Variants in SPEN observed in about 807,000 individuals in gnomAD.
SPEN encodes spen family transcriptional repressor.
In SPEN, 18 loss-of-function variants were observed where a neutral mutation model predicts 269.9. That is an observed-to-expected ratio of 0.07 (90% CI 0.05 to 0.10). The LOEUF (loss-of-function observed/expected upper bound fraction) is 0.10, where lower values mean the gene tolerates loss of function less well. Among genes scored for constraint, SPEN ranks in the 10% least tolerant of loss-of-function variants. The pLI, the probability that SPEN is intolerant of heterozygous loss-of-function variation, is 1.00. For synonymous variants in SPEN, 1,726 were observed against 1,765.7 expected (o/e 0.98, Z 0.56); for missense variants, 3,822 against 4,631.2 (o/e 0.83, Z 5.07).
In SPEN at chr1:15,932,835, G is replaced by T. The variant is rs550359408; in HGVS notation, c.6595G>T (p.Ala2199Ser). 27 of 1,614,224 alleles carry T rather than the reference G, an allele frequency of 1.7e-5. No individual in the cohort carries two copies. The East Asian group carries it at 5.3e-4, about 32-fold the overall frequency. The change falls in exon 11 of 15, where the codon GCC (alanine) becomes TCC (serine). Residue 2199 changes from alanine to serine, a missense_variant. This residue lies in a region of SPEN where 727 missense variants were observed against 737.9 expected (regional missense o/e 0.99). Coordinates refer to ENST00000375759, the MANE Select transcript of SPEN (RefSeq NM_015001.3). This position sits in a 1 kb window ranked among gnomAD's most constrained non-coding sequence, Gnocchi z 4.2. ...TAAGGCAGATGCACCAGAGGGCCTT[G>T]CCCCAGAGGACAGGGACAAGCCTGC... ...AYKADAPEGL[A>S]PEDRDKPAHQ...
Position 15,928,106 on chromosome 1 carries a change from A to G in SPEN, c.1866A>G (p.Ala622=). 2 of 1,596,130 alleles carry G rather than the reference A, an allele frequency of 1.3e-6. No homozygotes were observed. The highest frequency in any genetic ancestry group is 1.7e-6 in the Non-Finnish European group (2 of 1,168,278). The part of the protein sequence containing the change: ...MLAERREERR[A]SYDYNQDRTY... ...TTTTTGGCAGAGAGGAACGAAGGGC[A>G]TCCTACGACTATAACCAAGATCGTA... Residue 622 remains alanine, a synonymous_variant, in exon 11 of 15, where the codon GCA becomes GCG. Coordinates refer to ENST00000375759, the MANE Select transcript of SPEN (RefSeq NM_015001.3). The surrounding 1 kb of genome is among the most constrained non-coding windows in gnomAD (Gnocchi z 5.7).
intron 3 of SPEN, among the ~76,000 whole-genome samples, chr1:15,890,175 T>G (rs917856339): frequency 6.6e-6 from 1 of 152,224 alleles, no homozygotes. Context: ...GGAAGAGAGA[T>G]GTAGATTAGA....
At chr1:15,871,552 C>T (rs954951127) in intron 1 of SPEN, among the ~76,000 whole-genome samples, 5 of 151,942 alleles carry the variant, frequency 3.3e-5, no homozygotes, top group South Asian at 2.1e-4. Flanking sequence ...CCTGGGCCTC[C>T]CAAAGTGCTG....
chr1:15,869,932 T>G (rs1478637322), intron 1 of SPEN, among the ~76,000 whole-genome samples: 2 of 151,894 alleles, frequency 1.3e-5, no homozygotes, highest in Non-Finnish European at 2.9e-5. Context: ...AGTGGCGTGG[T>G]CTTGTCTCAC....
rs1293262650 is a variant in SPEN, at chr1:15,935,731, T to TTCC, written c.9493_9495dup (p.Pro3165dup). On this transcript the variant is annotated inframe_insertion, in exon 11 of 15. Transcript: ENST00000375759. The surrounding 1 kb of genome is among the most constrained non-coding windows in gnomAD (Gnocchi z 7.7). ...CCCGAGGAGGAAGTGCATTATCACC[T>TTCC]TCCTGTCGCTCGAGCCACAGCCCCT... The TTCC allele has an allele frequency of 6.2e-7, 1 of 1,613,070 alleles. No homozygotes were observed. Among genetic ancestry groups the TTCC allele is most frequent in the Admixed American group, 1.7e-5 (1 of 59,976 alleles).
chr1:15,874,677 G>T (rs375401244), intron 2 of SPEN, among the ~76,000 whole-genome samples: 1 of 152,282 alleles, frequency 6.6e-6, no homozygotes, highest in Admixed American at 6.5e-5. Flanking sequence ...ATTAACATTT[G>T]ATAGGGTGCT....
rs772815369 is a variant in SPEN at position 15,929,152 on chromosome 1, A to G, written c.2912A>G (p.Asp971Gly). The change falls in exon 11 of 15, where the codon GAT (aspartate) becomes GGT (glycine). Residue 971 changes from aspartate to glycine, a missense_variant. By Grantham distance (94) the Asp-to-Gly change is moderately conservative. Around this residue, in one of 16 missense-constraint regions of SPEN, gnomAD observed 572 missense variants for 582.6 expected, o/e 0.98. Coordinates refer to ENST00000375759, the MANE Select transcript of SPEN (RefSeq NM_015001.3). The surrounding 1 kb of genome is among the most constrained non-coding windows in gnomAD (Gnocchi z 5.8). ...CACCTCAAGCCTGAGCAGCCTGCAG[A>G]TGGGGTAAGTGCTGTGGATCTGGAG... ...RKHLKPEQPADGVSAVDLEKL... is the reference protein window; with the variant it reads ...RKHLKPEQPAGGVSAVDLEKL... The G allele has an allele frequency of 8.7e-6, 14 of 1,614,094 alleles. No homozygotes were observed. The highest frequency in any genetic ancestry group is 1.2e-5 in the Non-Finnish European group (14 of 1,180,038).
intron 3 of SPEN, among the ~76,000 whole-genome samples, chr1:15,905,798 C>T (rs1359353366): frequency 6.6e-6 from 1 of 151,970 alleles, no homozygotes; most frequent in Non-Finnish European, 1.5e-5. Flanking sequence ...TGGTCTTGAT[C>T]TCTTGACCTC....
At chr1:15,898,751 T>C (rs1428062282) in intron 3 of SPEN, among the ~76,000 whole-genome samples, 2 of 151,928 alleles carry the variant, frequency 1.3e-5, no homozygotes, top group Non-Finnish European at 2.9e-5. Context: ...TTAGTAGAGA[T>C]GGGGTTTCAC....
At chr1:15,921,099 G>T (rs551923387) in intron 9 of SPEN, 116 bp downstream of exon 9, 1 of 479,524 alleles carries the variant, frequency 2.1e-6, no homozygotes, top group East Asian at 3.8e-5. Flanking sequence ...GCCAAGGCAG[G>T]TGGATCACCT....
At position 15,935,452 on chromosome 1, in the gene SPEN, T is replaced by C. The variant is rs373157087; in HGVS notation, c.9212T>C (p.Ile3071Thr). ...CCAGTGCCCCAGTTCATCTCCAGCA[T>C]CCACCCAGAGCAGTCTGTCATCATG... is the stretch of plus-strand genomic sequence containing the variant. ...GIPVPQFISS[I>T]HPEQSVIMPP... The change falls in exon 11 of 15, where the codon ATC (isoleucine) becomes ACC (threonine). Residue 3071 changes from isoleucine to threonine, a missense_variant. This residue lies in a region of SPEN where 153 missense variants were observed against 228.5 expected (regional missense o/e 0.67). Transcript: ENST00000375759. The surrounding 1 kb of genome is among the most constrained non-coding windows in gnomAD (Gnocchi z 7.7). The C allele has an allele frequency of 6.2e-7, 1 of 1,613,976 alleles. No individual in the cohort carries two copies.
rs201103146 is a variant in SPEN, at chr1:15,932,400, C to A, written c.6160C>A (p.Pro2054Thr). 9 of 1,614,068 alleles carry A rather than the reference C, an allele frequency of 5.6e-6. No homozygotes were observed. In the East Asian group the frequency reaches 1.8e-4, roughly 32 times the overall value. Residue 2054 changes from proline to threonine, a missense_variant, in exon 11 of 15, where the codon CCC (proline) becomes ACC (threonine). Coordinates refer to ENST00000375759, the MANE Select transcript of SPEN (RefSeq NM_015001.3). This position sits in a 1 kb window ranked among gnomAD's most constrained non-coding sequence, Gnocchi z 4.2. The stretch of plus-strand genomic sequence containing the variant: ...AAAAGATGCTGGCACAGACAAAAAC[C>A]CCCCTGAAACCGCCCCTGTTGAAGT... ...DRKDAGTDKN[P>T]PETAPVEVVE...
intron 10 of SPEN, among the ~76,000 whole-genome samples, chr1:15,927,142 T>C (rs929578089): frequency 6.6e-6 from 1 of 152,224 alleles, no homozygotes; most frequent in African/African-American, 2.4e-5. Flanking sequence ...TCATATAATA[T>C]ATGTTCTTGT....
rs958168614 is a variant in SPEN at position 15,848,904 on chromosome 1, C to T, written c.83+754C>T. Among the ~76,000 whole-genome samples, 31 of 152,214 alleles carry T rather than the reference C, an allele frequency of 2.0e-4. No individual in the cohort carries two copies. The highest frequency in any genetic ancestry group is 7.2e-4 in the African/African-American group (30 of 41,528). On this transcript the variant is annotated intron_variant, in intron 1 of 14. Transcript: ENST00000375759. The surrounding 1 kb of genome is among the most constrained non-coding windows in gnomAD (Gnocchi z 5.1). The stretch of plus-strand genomic sequence containing the variant: ...CCTCGGGTCGCACTCCCAGGCCGCC[C>T]TAAGACCCTGGTGCCCCCCACCCCT...
intron 4 of SPEN, among the ~76,000 whole-genome samples, chr1:15,910,437 A>C (rs932335852): frequency 8.5e-5 from 13 of 152,128 alleles, no homozygotes; most frequent in African/African-American, 2.9e-4. Flanking sequence ...GGAAAGATAG[A>C]CGATGCCTTT....
At chr1:15,915,364 T>G (rs1453630900) in intron 5 of SPEN, among the ~76,000 whole-genome samples, 1 of 151,852 alleles carries the variant, frequency 6.6e-6, no homozygotes, top group African/African-American at 2.4e-5. Flanking sequence ...TGGCATGCAC[T>G]GGTGGTCCCA....
chr1:15,939,401 C>T lies in SPEN; in HGVS notation c.10969C>T (p.Leu3657Phe). The change falls in exon 15 of 15, where the codon CTC (leucine) becomes TTC (phenylalanine). Residue 3657 changes from leucine (L) to phenylalanine (F), a missense_variant. Leu to Phe is a conservative substitution (Grantham distance 22). Around this residue, in one of 16 missense-constraint regions of SPEN, gnomAD observed 103 missense variants for 215.8 expected, o/e 0.48. Coordinates refer to ENST00000375759, the MANE Select transcript of SPEN (RefSeq NM_015001.3). This position sits in a 1 kb window ranked among gnomAD's most constrained non-coding sequence, Gnocchi z 4.1. ...LASISNISPH[L>F]MIVIASV The stretch of plus-strand genomic sequence containing the variant: ...CAGCATCTCCAACATCTCTCCCCAC[C>T]TCATGATTGTCATTGCCTCCGTGTG... 6.2e-7 allele frequency: 1 copy of T among 1,603,416 alleles called. No homozygotes were observed. Among genetic ancestry groups the T allele is most frequent in the Non-Finnish European group, 8.5e-7 (1 of 1,174,932 alleles).
intron 1 of SPEN, among the ~76,000 whole-genome samples, chr1:15,866,123 A>G (rs1463195350): frequency 5.9e-5 from 9 of 152,162 alleles, no homozygotes. Context: ...TCTTCAAACT[A>G]TGAAAAATCT....
chr1:15,911,499 G>A lies in SPEN; in HGVS notation c.1243+198G>A, dbSNP rs149140159. 3.9e-4 allele frequency among the ~76,000 whole-genome samples: 59 copies of A among 152,328 alleles called. No individual in the cohort carries two copies. The East Asian group carries it at 0.01, about 26-fold the overall frequency. ...TAAAAAACATTGTTTTGGTTAGGGA[G>A]GATAGATTTTTCTGTTGCTGTAATG... On this transcript the variant is annotated intron_variant, in intron 5 of 14. Transcript: ENST00000375759.
Sources: allele counts gnomAD v4.1 joint callset (sites outside exome capture counted in the v4.1 genomes callset), GRCh38; gene constraint gnomAD v4.1.1; regional missense constraint gnomAD v4.1.1; non-coding constraint Gnocchi (gnomAD v3.1); transcripts MANE v1.5; gene names NCBI Gene and HGNC (gene_info 2026-07-23, HGNC 2026-07-21).